Variants in PRMT1 observed in about 807,000 individuals in gnomAD.
PRMT1 encodes protein arginine N-methyltransferase 1.
In PRMT1, 5 loss-of-function variants were observed where a neutral mutation model predicts 47.4. The observed-to-expected ratio is 0.11, with a 90% CI of 0.06 to 0.22. The LOEUF (loss-of-function observed/expected upper bound fraction) is 0.22. Ranked by LOEUF, PRMT1 falls within the 10% of genes least tolerant of loss-of-function variation. PRMT1 has a pLI of 1.00. For missense variants in PRMT1, 249 were observed against 518.4 expected (o/e 0.48, Z 5.05); for synonymous variants, 227 against 204.6 (o/e 1.11, Z -0.94).
chr19:49,680,607 C>T lies in PRMT1; in HGVS notation c.192+19C>T, dbSNP rs1427420250. 3 of 1,566,424 alleles carry T rather than the reference C, an allele frequency of 1.9e-6. No homozygotes were observed. In the African/African-American group the frequency reaches 4.1e-5, roughly 21 times the overall value. On this transcript the variant is annotated intron_variant, in intron 3 of 10. Coordinates refer to ENST00000454376, the MANE Select transcript of PRMT1 (RefSeq NM_001536.6). The surrounding 1 kb of genome is among the most constrained non-coding windows in gnomAD (Gnocchi z 4.2). ...CCACGAGGTCAGTGGGGACAGTCCCCAAGGCCCCAATCTTAGGGGGGCTTA... is the reference window on the plus strand; with the variant it reads ...CCACGAGGTCAGTGGGGACAGTCCCTAAGGCCCCAATCTTAGGGGGGCTTA...
chr19:49,685,526 T>C lies in PRMT1; in HGVS notation c.759+489T>C. 9.8e-7 allele frequency: 1 copy of C among 1,020,834 alleles called. No individual in the cohort carries two copies. The highest frequency in any genetic ancestry group is 3.7e-5 in the South Asian group (1 of 27,122). 63.2% of individuals were successfully genotyped at this position (1,020,834 alleles called of 1,614,324 possible). A position where few individuals can be genotyped will look rare whatever the true frequency, so the allele number is the denominator to read the frequency against. On this transcript the variant is annotated intron_variant, in intron 8 of 10. Transcript: ENST00000454376. This position sits in a 1 kb window ranked among gnomAD's most constrained non-coding sequence, Gnocchi z 4.7. ...TTTTGTTTTTTCCTTTTGTTTTTTT[T>C]TACTTCTGAGACCCTGTTTAAAAAA...
intron 9 of PRMT1, 94 bp from the exon 10 acceptor site, chr19:49,686,511 C>A: frequency 1.6e-6 from 2 of 1,214,496 alleles, no homozygotes; most frequent in Non-Finnish European, 2.2e-6. Flanking sequence ...GTCCCATCAG[C>A]TGTCATGGGG....
intron 1 of PRMT1, 65 bp downstream of exon 1, chr19:49,677,381 G>T: frequency 1.5e-6 from 2 of 1,319,944 alleles, no homozygotes; most frequent in Non-Finnish European, 2.0e-6. Context: ...CGCCTCTGTG[G>T]TGGGGAAAGG....
intron 1 of PRMT1, 47 bp from the exon 2 acceptor site, chr19:49,679,825 C>T (rs749000340): frequency 2.4e-5 from 36 of 1,496,362 alleles, no homozygotes; most frequent in Middle Eastern, 3.4e-4. Context: ...AGCCCTCCCA[C>T]AGCCACTCCC....
chr19:49,682,124 G>A (rs762867250), intron 4 of PRMT1, 59 bp downstream of exon 4: 2 of 1,613,868 alleles, frequency 1.2e-6, no homozygotes, highest in Admixed American at 3.3e-5. Context: ...GAGCCCATCA[G>A]GGCTCAGGGA....
intron 5 of PRMT1, among the ~76,000 whole-genome samples, chr19:49,683,065 C>A (rs1481544078): frequency 6.6e-6 from 1 of 151,562 alleles, no homozygotes; most frequent in African/African-American, 2.4e-5. Flanking sequence ...GCTGGGATTA[C>A]AGGTGTGAAC....
Position 49,680,260 on chromosome 19 carries a change from GGGTGCTCCCCTGGAT to G in PRMT1, c.91-219_91-205del. The G allele has an allele frequency of 6.4e-7, 1 of 1,556,898 alleles. No homozygotes were observed. The highest frequency in any genetic ancestry group is 8.8e-7 in the Non-Finnish European group (1 of 1,131,848). On this transcript the variant is annotated intron_variant, in intron 2 of 10. Coordinates refer to ENST00000454376, the MANE Select transcript of PRMT1 (RefSeq NM_001536.6). This position sits in a 1 kb window ranked among gnomAD's most constrained non-coding sequence, Gnocchi z 4.2. ...GATGGTAGGCGTGGCTGAGGTATCG[GGGTGCTCCCCTGGAT>G]GGTGCTCTGGGGGGGTCCTGGAAGT...
chr19:49,682,430 C>CT (rs1420483540), intron 5 of PRMT1, among the ~76,000 whole-genome samples, 171 bp downstream of exon 5: 1 of 152,158 alleles, frequency 6.6e-6, no homozygotes, highest in Non-Finnish European at 1.5e-5. Context: ...AAATCACAGG[C>CT]TTAGCACCGC....
intron 8 of PRMT1, 77 bp from the exon 9 acceptor site, chr19:49,686,016 T>C (rs1314787861): frequency 6.4e-7 from 1 of 1,552,830 alleles, no homozygotes; most frequent in Non-Finnish European, 8.7e-7. Flanking sequence ...ACAGGCCCTC[T>C]GGGAGCTTAA....
chr19:49,684,505 C>T lies in PRMT1; in HGVS notation c.556-249C>T, dbSNP rs114823093. On this transcript the variant is annotated intron_variant, in intron 6 of 10. Coordinates refer to ENST00000454376, the MANE Select transcript of PRMT1 (RefSeq NM_001536.6). This position sits in a 1 kb window ranked among gnomAD's most constrained non-coding sequence, Gnocchi z 6.2. ...GATTTTGTGGAGGCTTATGGGACCC[C>T]GTGCTTTTCCTCTCAGAGCAGCTAG... Among the ~76,000 whole-genome samples the T allele has an allele frequency of 3.4e-3, 512 of 152,224 alleles. 4 individuals carry two copies. Among genetic ancestry groups the T allele is most frequent in the African/African-American group, 0.012 (483 of 41,534 alleles).
intron 1 of PRMT1, chr19:49,679,661 C>T (rs564614523): frequency 1.3e-5 from 9 of 690,354 alleles, no homozygotes; most frequent in Non-Finnish European, 1.3e-5. Flanking sequence ...CCAGCCACAG[C>T]TGGGATAGGA....
At chr19:49,679,610 C>T (rs763243257) in intron 1 of PRMT1, 7 of 696,974 alleles carry the variant, frequency 1.0e-5, no homozygotes, top group African/African-American at 1.7e-5. Flanking sequence ...GGTCAGCTGC[C>T]TGGCCAGAGA....
intron 1 of PRMT1, chr19:49,679,668 A>C: frequency 2.9e-6 from 2 of 680,580 alleles, no homozygotes; most frequent in Non-Finnish European, 2.7e-6. Context: ...CAGCTGGGAT[A>C]GGAGACCCCC....
At chr19:49,677,364 T>C (rs945504537) in intron 1 of PRMT1, 48 bp downstream of exon 1, 10 of 1,357,472 alleles carry the variant, frequency 7.4e-6, no homozygotes, top group Non-Finnish European at 6.7e-6. Context: ...TTTGGGTCGG[T>C]GTTTCACGCC....
rs1450799966 is a variant in PRMT1 at position 49,681,259 on chromosome 19, G to A, written c.193-651G>A. On this transcript the variant is annotated intron_variant, in intron 3 of 10. Coordinates refer to ENST00000454376, the MANE Select transcript of PRMT1 (RefSeq NM_001536.6). The surrounding 1 kb of genome is among the most constrained non-coding windows in gnomAD (Gnocchi z 4.4). Reference sequence around the variant, plus strand: ...AGAGATAATCTTGCCTTGTTGCCCAGGCTGGTCTCAAACTCTTGGGATCAA... The same window carrying A: ...AGAGATAATCTTGCCTTGTTGCCCAAGCTGGTCTCAAACTCTTGGGATCAA... 6.6e-6 allele frequency among the ~76,000 whole-genome samples: 1 copy of A among 152,136 alleles called. No individual in the cohort carries two copies. Among genetic ancestry groups the A allele is most frequent in the African/African-American group, 2.4e-5 (1 of 41,424 alleles).
intron 5 of PRMT1, among the ~76,000 whole-genome samples, chr19:49,682,988 G>C (rs975422191): frequency 7.9e-5 from 12 of 151,688 alleles, no homozygotes; most frequent in African/African-American, 2.7e-4. Flanking sequence ...GGGTTTCACC[G>C]TGTTAGCCAG....
intron 1 of PRMT1, among the ~76,000 whole-genome samples, chr19:49,677,943 C>T (rs1227418411): frequency 6.6e-6 from 1 of 152,156 alleles, no homozygotes; most frequent in South Asian, 2.1e-4. Context: ...CCGCCGACCC[C>T]GTTTCCCCTC....
chr19:49,677,486 C>T (rs1331473849), intron 1 of PRMT1, 170 bp downstream of exon 1: 8 of 494,528 alleles, frequency 1.6e-5, no homozygotes, highest in Non-Finnish European at 2.3e-5. Flanking sequence ...GTGACGGCTC[C>T]CTAGCTTCCA....
At chr19:49,678,237 A>G (rs996679740) in intron 1 of PRMT1, 2 of 152,014 alleles carry the variant, frequency 1.3e-5, no homozygotes, top group Non-Finnish European at 2.9e-5. Context: ...GCTTTACCCT[A>G]CTGGAGCCGT....
Sources: gnomAD v4.1 joint callset for allele counts (sites outside exome capture counted in the v4.1 genomes callset) on GRCh38, gnomAD v4.1.1 for gene constraint, Gnocchi (gnomAD v3.1) non-coding constraint, MANE v1.5 for transcripts, NCBI Gene and HGNC (gene_info 2026-07-23, HGNC 2026-07-21) for gene names.